Variants in NLGN1 observed in about 807,000 individuals in gnomAD.
NLGN1 encodes neuroligin 1, also known as neuroligin-1.
In NLGN1, 12 loss-of-function variants were observed where a neutral mutation model predicts 65.5. The ratio of observed to expected loss-of-function variants is 0.18; its 90% confidence interval spans 0.12 to 0.30. The LOEUF (loss-of-function observed/expected upper bound fraction) is 0.30. Among genes scored for constraint, NLGN1 ranks in the 10% least tolerant of loss-of-function variants. The pLI, the probability that NLGN1 is intolerant of heterozygous loss-of-function variation, is 1.00. For missense variants in NLGN1, 750 were observed against 1,007.1 expected, an observed-to-expected ratio of 0.74 and a Z score of 3.46; for synonymous variants, 350 against 359.5, an observed-to-expected ratio of 0.97 and a Z score of 0.30.
chr3:173,547,073 C>A (rs533769585), intron 2 of NLGN1, among the ~76,000 whole-genome samples: 1 of 152,104 alleles, frequency 6.6e-6, no homozygotes, highest in South Asian at 2.1e-4. Context: ...TGGAGATACT[C>A]CACTTTGGCA....
Position 173,408,844 on chromosome 3 carries a change from T to G in NLGN1, c.-390+10357T>G, listed in dbSNP as rs1277737693. Among the ~76,000 whole-genome samples, 4 of 147,372 alleles carry G rather than the reference T, an allele frequency of 2.7e-5. No homozygotes were observed. In the South Asian group the frequency reaches 8.5e-4, roughly 31 times the overall value. Reference sequence around the variant, plus strand: ...GGAGAATGGTGTGAACCCGGGAGGCTGAGGTTGCAGTGAGCCGAGATTGTG... The same window carrying G: ...GGAGAATGGTGTGAACCCGGGAGGCGGAGGTTGCAGTGAGCCGAGATTGTG... On this transcript the variant is annotated intron_variant, in intron 1 of 6. Transcript: ENST00000457714.
At chr3:173,756,138 A>C (rs1777081075) in intron 3 of NLGN1, among the ~76,000 whole-genome samples, 1 of 24,790 alleles carries the variant, frequency 4.0e-5, no homozygotes, top group African/African-American at 5.2e-5. Context: ...GATTTTACAC[A>C]ATCACATTTA....
At chr3:173,834,542 T>G (rs1044966164) in intron 4 of NLGN1, among the ~76,000 whole-genome samples, 1 of 152,182 alleles carries the variant, frequency 6.6e-6, no homozygotes, top group Non-Finnish European at 1.5e-5. Context: ...CATTTACAAG[T>G]GACCTAAAAT....
At chr3:173,977,357 CTG>C (rs1457472556) in intron 4 of NLGN1, among the ~76,000 whole-genome samples, 1 of 151,762 alleles carries the variant, frequency 6.6e-6, no homozygotes, top group Non-Finnish European at 1.5e-5. Flanking sequence ...TGCATAAACA[CTG>C]TAATGTGAGG....
intron 3 of NLGN1, among the ~76,000 whole-genome samples, chr3:173,611,915 C>G (rs1169015743): frequency 6.6e-6 from 1 of 152,030 alleles, no homozygotes; most frequent in Non-Finnish European, 1.5e-5. Context: ...AAACTGCTAT[C>G]CTTTCTCCTA....
At chr3:173,482,195 A>T (rs1402479778) in intron 2 of NLGN1, among the ~76,000 whole-genome samples, 1 of 151,820 alleles carries the variant, frequency 6.6e-6, no homozygotes, top group Non-Finnish European at 1.5e-5. Context: ...TGCCTTTCTC[A>T]TGTTTAGATT....
At chr3:173,763,675 C>T (rs1251936485) in intron 3 of NLGN1, among the ~76,000 whole-genome samples, 1 of 151,830 alleles carries the variant, frequency 6.6e-6, no homozygotes, top group Non-Finnish European at 1.5e-5. Flanking sequence ...TTCAACTCTC[C>T]AGCAAACTCC....
At chr3:173,657,944 A>G (rs1174966901) in intron 3 of NLGN1, among the ~76,000 whole-genome samples, 1 of 151,972 alleles carries the variant, frequency 6.6e-6, no homozygotes, top group Non-Finnish European at 1.5e-5. Context: ...CTGGTAGAGT[A>G]ATAAACTTAA....
intron 3 of NLGN1, among the ~76,000 whole-genome samples, chr3:173,692,087 T>G (rs1765552275): frequency 6.6e-6 from 1 of 152,088 alleles, no homozygotes; most frequent in Non-Finnish European, 1.5e-5. Flanking sequence ...TACCAGGAAA[T>G]AAAATTCAAT....
intron 2 of NLGN1, among the ~76,000 whole-genome samples, chr3:173,587,767 C>T (rs975342823): frequency 1.3e-5 from 2 of 151,968 alleles, no homozygotes; most frequent in Non-Finnish European, 2.9e-5. Context: ...TTCCTCTAAG[C>T]TTATCACTAT....
intron 2 of NLGN1, among the ~76,000 whole-genome samples, chr3:173,563,528 T>C (rs1347898051): frequency 1.3e-5 from 2 of 152,216 alleles, no homozygotes; most frequent in Non-Finnish European, 1.5e-5. Flanking sequence ...CTTTATCTAA[T>C]TGCAGACCCG....
chr3:174,069,103 A>G (rs1298315241), intron 4 of NLGN1, among the ~76,000 whole-genome samples: 1 of 152,128 alleles, frequency 6.6e-6, no homozygotes, highest in African/African-American at 2.4e-5. Flanking sequence ...CAGTCTTTGG[A>G]GAGATATAAA....
intron 4 of NLGN1, among the ~76,000 whole-genome samples, chr3:173,865,431 C>A (rs1022697751): frequency 6.6e-6 from 1 of 152,064 alleles, no homozygotes; most frequent in Admixed American, 6.6e-5. Flanking sequence ...ATAATAATAA[C>A]CAACATTGAT....
At chr3:173,655,536 T>G (rs1158252225) in intron 3 of NLGN1, among the ~76,000 whole-genome samples, 4 of 151,996 alleles carry the variant, frequency 2.6e-5, no homozygotes, top group Non-Finnish European at 5.9e-5. Flanking sequence ...ATGACAGGTG[T>G]ACTTACCAAC....
chr3:174,216,912 A>G lies in NLGN1; in HGVS notation c.647-58403A>G, dbSNP rs150713062. On this transcript the variant is annotated intron_variant, in intron 4 of 6. Transcript: ENST00000457714. ...TACTGAAGGCCTTATTATAATAAACATATGTAAGTTATTCAGAAAAAAACA... is the reference window on the plus strand; with the variant it reads ...TACTGAAGGCCTTATTATAATAAACGTATGTAAGTTATTCAGAAAAAAACA... Among the ~76,000 whole-genome samples the G allele has an allele frequency of 3.7e-4, 56 of 152,212 alleles. No individual in the cohort carries two copies. In the East Asian group the frequency reaches 0.01, roughly 28 times the overall value.
intron 3 of NLGN1, among the ~76,000 whole-genome samples, chr3:173,685,031 G>A (rs187384265): frequency 2.2e-4 from 33 of 152,126 alleles, no homozygotes; most frequent in Admixed American, 2.1e-3. Flanking sequence ...CTCTATGCCC[G>A]GTATGGCACC....
intron 2 of NLGN1, among the ~76,000 whole-genome samples, chr3:173,473,309 G>C (rs951225418): frequency 4.6e-5 from 7 of 152,102 alleles, no homozygotes; most frequent in African/African-American, 1.7e-4. Flanking sequence ...AAGAGTACCT[G>C]GCCTTTCTAG....
At chr3:174,109,590 T>G (rs139397038) in intron 4 of NLGN1, among the ~76,000 whole-genome samples, 152 of 152,212 alleles carry the variant, frequency 1.0e-3, no homozygotes, top group African/African-American at 3.5e-3. Flanking sequence ...TTTCTCTATA[T>G]CTGACCTTAT....
intron 2 of NLGN1, among the ~76,000 whole-genome samples, chr3:173,568,255 T>C (rs1351774931): frequency 6.6e-6 from 1 of 151,946 alleles, no homozygotes; most frequent in African/African-American, 2.4e-5. Flanking sequence ...TCCTTTTCTT[T>C]TTTTTCTTGA....
Sources: gnomAD v4.1 joint callset for allele counts (sites outside exome capture counted in the v4.1 genomes callset) on GRCh38, gnomAD v4.1.1 for gene constraint, MANE v1.5 for transcripts, NCBI Gene and HGNC (gene_info 2026-07-23, HGNC 2026-07-21) for gene names.